The following THSD7B variants were observed in gnomAD, a reference collection of about 807,000 sequenced individuals.
THSD7B encodes the protein thrombospondin type 1 domain containing 7B.
THSD7B carries 138 observed loss-of-function variants against 213.6 expected under a neutral mutation model. The ratio of observed to expected loss-of-function variants is 0.65; its 90% CI spans 0.56 to 0.74. THSD7B has a LOEUF of 0.74. Among genes scored for constraint, THSD7B ranks in the 30% least tolerant of loss-of-function variants. The pLI, the probability that THSD7B is intolerant of heterozygous loss-of-function variation, is 0.00. For missense variants in THSD7B, 1,931 were observed against 1,991.5 expected (o/e 0.97, Z 0.58); for synonymous variants, 742 against 687.0 (o/e 1.08, Z -1.25).
Position 137,620,773 on chromosome 2 carries a change from T to C in THSD7B, c.3799+47T>C, listed in dbSNP as rs762460847. 6 of 1,445,176 alleles carry C rather than the reference T, an allele frequency of 4.2e-6. No homozygotes were observed. In the South Asian group the frequency reaches 4.6e-5, roughly 11 times the overall value. 89.5% of individuals were successfully genotyped at this position (1,445,176 alleles called of 1,614,324 possible). A position where few individuals can be genotyped will look rare whatever the true frequency, so the allele number is the denominator to read the frequency against. ...CCACTAACTAGTGTAGGTTTCTAAA[T>C]ATCATTCAGTATGCCATAGCTTGAT... On this transcript the variant is annotated intron_variant, in intron 20 of 27. Coordinates refer to ENST00000409968, the MANE Select transcript of THSD7B (RefSeq NM_001316349.2).
chr2:137,306,218 C>T (rs780980714), intron 12 of THSD7B, among the ~76,000 whole-genome samples: 27 of 152,044 alleles, frequency 1.8e-4, no homozygotes, highest in Non-Finnish European at 3.2e-4. Context: ...TAGGACGTTG[C>T]TAGGTGATAG....
chr2:137,249,985 C>A (rs1475894125), intron 10 of THSD7B, among the ~76,000 whole-genome samples: 1 of 152,198 alleles, frequency 6.6e-6, no homozygotes, highest in African/African-American at 2.4e-5. Context: ...ACAGATGAGG[C>A]AACACACTCC....
At chr2:137,245,434 C>T (rs955949810) in intron 10 of THSD7B, among the ~76,000 whole-genome samples, 1 of 152,116 alleles carries the variant, frequency 6.6e-6, no homozygotes, top group Non-Finnish European at 1.5e-5. Context: ...GAGGTTGGCA[C>T]TCCATTCTCT....
chr2:137,435,970 T>A lies in THSD7B; in HGVS notation c.2960-14875T>A, dbSNP rs1687281727. Reference sequence around the variant, plus strand: ...AATTCCCTAAGAGAATCTGAGTTACTGCATGCTCTCATCTCCAGTCCATGC... The same window carrying A: ...AATTCCCTAAGAGAATCTGAGTTACAGCATGCTCTCATCTCCAGTCCATGC... On this transcript the variant is annotated intron_variant, in intron 14 of 27. Coordinates refer to ENST00000409968, the MANE Select transcript of THSD7B (RefSeq NM_001316349.2). 2.6e-5 allele frequency among the ~76,000 whole-genome samples: 4 copies of A among 152,296 alleles called. No individual in the cohort carries two copies. The South Asian group carries it at 8.3e-4, about 32-fold the overall frequency.
At position 137,059,650 on chromosome 2, in the gene THSD7B, G is replaced by A. The variant is rs183194097; in HGVS notation, c.950+2420G>A. ...ATTATATATGTAGCTTTTTCTGGTT[G>A]ACTTATTTCACTTTGCAATACGCAT... is the stretch of plus-strand genomic sequence containing the variant. On this transcript the variant is annotated intron_variant, in intron 3 of 27. Coordinates refer to ENST00000409968, the MANE Select transcript of THSD7B (RefSeq NM_001316349.2). Among the ~76,000 whole-genome samples, 608 of 152,170 alleles carry A rather than the reference G, an allele frequency of 4.0e-3. 7 individuals carry two copies. Among genetic ancestry groups the A allele is most frequent in the African/African-American group, 0.014 (583 of 41,524 alleles).
In THSD7B at chr2:137,676,649, C is replaced by A; in HGVS notation, c.*44C>A. On this transcript the variant is annotated 3_prime_UTR_variant, in exon 28 of 28. Transcript: ENST00000409968. ...ATGTAGACATCAACTGCCTTAACCGCTTTCTCTTTTGTAGCTCTCAGACTT... is the reference window on the plus strand; with the variant it reads ...ATGTAGACATCAACTGCCTTAACCGATTTCTCTTTTGTAGCTCTCAGACTT... The A allele has an allele frequency of 6.7e-7, 1 of 1,494,688 alleles. No individual in the cohort carries two copies. Among genetic ancestry groups the A allele is most frequent in the African/African-American group, 1.4e-5 (1 of 70,114 alleles). 92.6% of individuals were successfully genotyped at this position (1,494,688 alleles called of 1,614,324 possible).
At chr2:137,198,850 A>G (rs1022281547) in intron 7 of THSD7B, among the ~76,000 whole-genome samples, 11 of 152,194 alleles carry the variant, frequency 7.2e-5, no homozygotes, top group African/African-American at 9.6e-5. Flanking sequence ...CTAAGAATTT[A>G]AACCACCTTA....
At chr2:137,532,125 G>A (rs58705085) in intron 15 of THSD7B, among the ~76,000 whole-genome samples, 4,926 of 152,034 alleles carry the variant, frequency 0.032, 277 homozygotes, top group African/African-American at 0.11. Flanking sequence ...TGAGAACACA[G>A]TAGGAGTTCA....
At chr2:136,772,633 G>A (rs548225767) in intron 1 of THSD7B, among the ~76,000 whole-genome samples, 2 of 152,232 alleles carry the variant, frequency 1.3e-5, no homozygotes, top group South Asian at 2.1e-4. Flanking sequence ...TGAGTTGTTC[G>A]ATGTGAGTGG....
chr2:137,108,489 T>C (rs370605424), intron 4 of THSD7B, among the ~76,000 whole-genome samples: 1 of 152,216 alleles, frequency 6.6e-6, no homozygotes, highest in African/African-American at 2.4e-5. Context: ...ATTTTAATTA[T>C]GTGATTCCTT....
At chr2:136,945,738 A>G (rs1684924984) in intron 2 of THSD7B, among the ~76,000 whole-genome samples, 1 of 151,742 alleles carries the variant, frequency 6.6e-6, no homozygotes, top group South Asian at 2.1e-4. Flanking sequence ...AATCACTGAG[A>G]CCCTTTCTTC....
At chr2:137,393,998 T>C (rs1336392966) in intron 12 of THSD7B, among the ~76,000 whole-genome samples, 1 of 135,684 alleles carries the variant, frequency 7.4e-6, no homozygotes, top group Non-Finnish European at 1.6e-5. Context: ...ACCCACTTTT[T>C]GATGGGGTTG....
At chr2:137,540,393 T>C (rs1680588297) in intron 15 of THSD7B, among the ~76,000 whole-genome samples, 1 of 151,688 alleles carries the variant, frequency 6.6e-6, no homozygotes, top group Non-Finnish European at 1.5e-5. Context: ...TGAGTCTTGG[T>C]AAGAATTGAG....
At chr2:137,299,091 G>A (rs1330799182) in intron 12 of THSD7B, among the ~76,000 whole-genome samples, 1 of 152,128 alleles carries the variant, frequency 6.6e-6, no homozygotes, top group Admixed American at 6.5e-5. Context: ...CAAAACCACA[G>A]GGATGGAGCT....
chr2:137,419,531 G>T (rs572798992), intron 14 of THSD7B, among the ~76,000 whole-genome samples: 11 of 151,662 alleles, frequency 7.3e-5, no homozygotes, highest in African/African-American at 2.4e-4. Context: ...CAGTGTGGCT[G>T]GGTCCAGGGC....
chr2:137,137,966 C>T (rs1431975323), intron 5 of THSD7B, among the ~76,000 whole-genome samples: 1 of 151,894 alleles, frequency 6.6e-6, no homozygotes, highest in Non-Finnish European at 1.5e-5. Context: ...TGGTGTGATC[C>T]CAGTTCACTG....
At chr2:137,463,769 T>G (rs1388397614) in intron 15 of THSD7B, among the ~76,000 whole-genome samples, 1 of 152,000 alleles carries the variant, frequency 6.6e-6, no homozygotes, top group Non-Finnish European at 1.5e-5. Context: ...GTGAGGTGAG[T>G]GCATAAACAA....
At chr2:137,441,877 A>AT (rs1396183196) in intron 14 of THSD7B, among the ~76,000 whole-genome samples, 2 of 152,082 alleles carry the variant, frequency 1.3e-5, no homozygotes, top group South Asian at 2.1e-4. Context: ...ACAGAATTAT[A>AT]TTTTTTACCA....
At chr2:137,547,083 A>G (rs908567562) in intron 15 of THSD7B, among the ~76,000 whole-genome samples, 6 of 152,080 alleles carry the variant, frequency 3.9e-5, no homozygotes, top group African/African-American at 9.7e-5. Flanking sequence ...CAATTAGTCC[A>G]TAATAAAAGT....
Sources: gnomAD v4.1 joint callset for allele counts (sites outside exome capture counted in the v4.1 genomes callset) on GRCh38, gnomAD v4.1.1 for gene constraint, MANE v1.5 for transcripts, NCBI Gene and HGNC (gene_info 2026-07-23, HGNC 2026-07-21) for gene names.